USP16: variants seen among roughly 807,000 people sequenced by gnomAD.
USP16 encodes ubiquitin specific peptidase 16.
USP16 carries 77 observed loss-of-function variants against 95.9 expected under a neutral mutation model. The observed-to-expected ratio is 0.80, with a 90% confidence interval of 0.67 to 0.97. The LOEUF is 0.97. Ranked by LOEUF, USP16 falls within the 50% of genes least tolerant of loss-of-function variation. The pLI, the probability that USP16 is intolerant of heterozygous loss-of-function variation, is 0.00. For synonymous variants in USP16, 303 were observed against 318.2 expected (o/e 0.95, Z 0.51); for missense variants, 943 against 959.9 (o/e 0.98, Z 0.23).
chr21:29,038,374 G>C lies in USP16; in HGVS notation c.676G>C (p.Glu226Gln). ...QTPVLRELLK[E>Q]VKMSGTIVKI... The stretch of plus-strand genomic sequence containing the variant: ...ACCAGTGCTTAGAGAACTACTAAAA[G>C]AAGTGAAAATGTCTGGAACAATTGT... Residue 226 changes from glutamate (E) to glutamine (Q), a missense_variant, in exon 7 of 18, where the codon GAA becomes CAA. Coordinates refer to ENST00000399976, the MANE Select transcript of USP16 (RefSeq NM_006447.3). The C allele has an allele frequency of 1.2e-6, 2 of 1,612,802 alleles. No homozygotes were observed. Among genetic ancestry groups the C allele is most frequent in the Non-Finnish European group, 1.7e-6 (2 of 1,179,252 alleles).
intron 1 of USP16, among the ~76,000 whole-genome samples, chr21:29,026,963 C>T (rs371371933): frequency 6.6e-6 from 1 of 152,052 alleles, no homozygotes; most frequent in African/African-American, 2.4e-5. Context: ...GTCCAGGAAA[C>T]TGTTAAATGC....
chr21:29,037,218 C>A, intron 5 of USP16, 58 bp from the exon 6 acceptor site: 1 of 1,124,970 alleles, frequency 8.9e-7, no homozygotes, highest in Non-Finnish European at 1.2e-6. Flanking sequence ...CCCAAGTATA[C>A]TTCTGCATTC....
At position 29,039,635 on chromosome 21, in the gene USP16, C is replaced by T. The variant is rs1330968958; in HGVS notation, c.951+67C>T. The T allele has an allele frequency of 1.5e-5, 22 of 1,460,186 alleles. No homozygotes were observed. The South Asian group carries it at 2.9e-4, about 19-fold the overall frequency. 90.5% of individuals were successfully genotyped at this position (1,460,186 alleles called of 1,614,324 possible). The stretch of plus-strand genomic sequence containing the variant: ...ATAAGCTTTCTGTCTCATTTGATAT[C>T]TTACGAGTTAAAACAATGAAAGCTA... On this transcript the variant is annotated intron_variant, in intron 9 of 17. Transcript: ENST00000399976.
rs2085370294 is a variant in USP16 at position 29,048,811 on chromosome 21, C to G, written c.2062C>G (p.Leu688Val). The G allele has an allele frequency of 6.2e-7, 1 of 1,613,774 alleles. No individual in the cohort carries two copies. The highest frequency in any genetic ancestry group is 1.3e-5 in the African/African-American group (1 of 74,920). Residue 688 changes from leucine to valine, a missense_variant, in exon 15 of 18, where the codon CTT (leucine) becomes GTT (valine). Transcript: ENST00000399976. Reference sequence around the variant, plus strand: ...TGCCAAAAAGCAGATGCTAATTTCTCTTGCTCCTCCTGTTCTTACTCTTCA... The same window carrying G: ...TGCCAAAAAGCAGATGCTAATTTCTGTTGCTCCTCCTGTTCTTACTCTTCA... ...TNAKKQMLIS[L>V]APPVLTLHLK...
Position 29,050,092 on chromosome 21 carries a change from G to T in USP16, c.2107G>T (p.Ala703Ser). 1.2e-6 allele frequency: 2 copies of T among 1,610,588 alleles called. No individual in the cohort carries two copies. The highest frequency in any genetic ancestry group is 1.7e-6 in the Non-Finnish European group (2 of 1,178,796). ...TCAATCTGTTATGCTTCTCTTTTAG[G>T]CTGGTTTTAACCTACGCAAAGTTAA... The part of the protein sequence containing the change: ...LTLHLKRFQQ[A>S]GFNLRKVNKH... Residue 703 changes from alanine (A) to serine (S), a missense_variant and splice_region_variant, in exon 16 of 18, where the codon GCT (alanine) becomes TCT (serine). Physicochemically the swap from Ala to Ser is moderately conservative, Grantham distance 99. Transcript: ENST00000399976.
intron 2 of USP16, 59 bp downstream of exon 2, chr21:29,028,033 T>G (rs534458599): frequency 9.0e-6 from 12 of 1,338,496 alleles, no homozygotes; most frequent in Non-Finnish European, 1.3e-5. Flanking sequence ...TGTTTTAAAA[T>G]GTAAAAATGG....
chr21:29,024,828 G>A lies in USP16; in HGVS notation c.-42+51G>A, dbSNP rs1041703035. ...AGTCGTCGCTCGCCTGGCTTTCTGC[G>A]CTGGGAGAGCTCCTGTTTTCCGCCC... On this transcript the variant is annotated intron_variant, in intron 1 of 17. Coordinates refer to ENST00000399976, the MANE Select transcript of USP16 (RefSeq NM_006447.3). 5.6e-6 allele frequency: 7 copies of A among 1,243,372 alleles called. No individual in the cohort carries two copies. In the African/African-American group the frequency reaches 1.1e-4, roughly 19 times the overall value. The allele number at this position is 1,243,372 out of a possible 1,614,324, so 77.0% of individuals were successfully genotyped here. A position where few individuals can be genotyped will look rare whatever the true frequency, so the allele number is the denominator to read the frequency against.
At chr21:29,029,404 C>T (rs757634317) in intron 2 of USP16, among the ~76,000 whole-genome samples, 4 of 152,094 alleles carry the variant, frequency 2.6e-5, no homozygotes, top group Admixed American at 1.3e-4. Flanking sequence ...CAGAGCAAGA[C>T]TCCGTCTCAA....
In USP16 at chr21:29,036,049, T is replaced by G. The variant is rs1399427601; in HGVS notation, c.345-222T>G. Among the ~76,000 whole-genome samples, 8 of 152,254 alleles carry G rather than the reference T, an allele frequency of 5.3e-5. No individual in the cohort carries two copies. The South Asian group carries it at 6.2e-4, about 12-fold the overall frequency. On this transcript the variant is annotated intron_variant, in intron 4 of 17. Transcript: ENST00000399976. ...CCAGTAAAGTAAAACGTTTGGAGTA[T>G]TTCATCATACTACTTATATGCAGCC...
rs575988021 is a variant in USP16, at chr21:29,040,940, G to A, written c.1030+253G>A. On this transcript the variant is annotated intron_variant, in intron 10 of 17. Transcript: ENST00000399976. Reference sequence around the variant, plus strand: ...TTTCAAAAGCTTAAAATTATAATTAGCAGTAATACATGAATTATATTTGTT... The same window carrying A: ...TTTCAAAAGCTTAAAATTATAATTAACAGTAATACATGAATTATATTTGTT... Among the ~76,000 whole-genome samples the A allele has an allele frequency of 5.3e-5, 8 of 152,236 alleles. No homozygotes were observed. In the South Asian group the frequency reaches 1.2e-3, roughly 24 times the overall value.
intron 3 of USP16, among the ~76,000 whole-genome samples, chr21:29,034,625 G>A (rs914088415): frequency 1.3e-5 from 2 of 152,144 alleles, no homozygotes; most frequent in African/African-American, 4.8e-5. Flanking sequence ...CGAGTGCATG[G>A]TTTTCTAAAT....
rs780610339 is a variant in USP16 at position 29,053,891 on chromosome 21, C to T, written c.2283C>T (p.Ala761=). 2.8e-5 allele frequency: 46 copies of T among 1,614,086 alleles called. No homozygotes were observed. Among genetic ancestry groups the T allele is most frequent in the Non-Finnish European group, 1.7e-6 (2 of 1,180,044 alleles). Residue 761 remains alanine, a synonymous_variant, in exon 17 of 18, where the codon GCC becomes GCT. Transcript: ENST00000399976. ...SGTMRSGHYT[A]YAKARTANSH... is the part of the protein sequence containing the mutation. ...CTATGAGGTCGGGGCATTACACTGCCTATGCCAAGGCAAGAACCGCAAATA... is the reference window on the plus strand; with the variant it reads ...CTATGAGGTCGGGGCATTACACTGCTTATGCCAAGGCAAGAACCGCAAATA...
Position 29,030,633 on chromosome 21 carries a change from G to A in USP16, c.100G>A (p.Gly34Ser), listed in dbSNP as rs1171253958. The A allele has an allele frequency of 6.2e-7, 1 of 1,613,224 alleles. No individual in the cohort carries two copies. Among genetic ancestry groups the A allele is most frequent in the Admixed American group, 1.7e-5 (1 of 59,874 alleles). ...CRHIRKGLEQ[G>S]NLKKALVNVE... ...ACACATTAGAAAAGGATTGGAACAA[G>A]GTAATTTGAAAAAGGCTTTAGTGAA... Residue 34 changes from glycine to serine, a missense_variant, in exon 3 of 18, where the codon GGT becomes AGT. Transcript: ENST00000399976.
intron 2 of USP16, among the ~76,000 whole-genome samples, chr21:29,028,244 C>T (rs1052177959): frequency 4.0e-5 from 6 of 150,738 alleles, no homozygotes; most frequent in Non-Finnish European, 8.9e-5. Context: ...GTGCCTCAGC[C>T]TCTGAGTAGC....
At chr21:29,043,330 A>G in intron 12 of USP16, 93 bp from the exon 13 acceptor site, 1 of 940,608 alleles carries the variant, frequency 1.1e-6, no homozygotes, top group Non-Finnish European at 1.4e-6. Flanking sequence ...AATACATAAT[A>G]GAAGTAGAAA....
chr21:29,038,311 TTTTTTTTTC>T lies in USP16; in HGVS notation c.637-23_637-15del, dbSNP rs758108095. On this transcript the variant is annotated splice_polypyrimidine_tract_variant and intron_variant, in intron 6 of 17. Transcript: ENST00000399976. ...GATTTGCCTTTAAATAATTTTTCTCTTTTTTTTTCACCCTACATTCTAGAACTTGTCACA... is the reference window on the plus strand; with the variant it reads ...GATTTGCCTTTAAATAATTTTTCTCTACCCTACATTCTAGAACTTGTCACA... 4 of 1,459,682 alleles carry T rather than the reference TTTTTTTTTC, an allele frequency of 2.7e-6. No individual in the cohort carries two copies. In the African/African-American group the frequency reaches 5.7e-5, roughly 21 times the overall value. The allele number at this position is 1,459,682 out of a possible 1,614,324, so 90.4% of individuals were successfully genotyped here.
intron 16 of USP16, 110 bp from the exon 17 acceptor site, chr21:29,053,692 A>C (rs1176801817): frequency 8.3e-6 from 9 of 1,079,532 alleles, no homozygotes; most frequent in Non-Finnish European, 1.2e-5. Context: ...TGATTTCTGC[A>C]CTCTCAAAGT....
intron 3 of USP16, 87 bp from the exon 4 acceptor site, chr21:29,034,750 G>T: frequency 8.5e-7 from 1 of 1,180,914 alleles, no homozygotes. Context: ...AATTTCATGA[G>T]CCACTTCCTT....
chr21:29,034,888 C>T lies in USP16; in HGVS notation c.292C>T (p.Pro98Ser), dbSNP rs2085131641. 5 of 1,613,972 alleles carry T rather than the reference C, an allele frequency of 3.1e-6. No homozygotes were observed. The highest frequency in any genetic ancestry group is 1.3e-5 in the African/African-American group (1 of 74,900). ...EQHALKHYLT[P>S]RSEPHCLVLS... ...GCATGCCTTGAAGCACTATCTGACG[C>T]CAAGATCTGAACCTCACTGTCTGGT... The change falls in exon 4 of 18, where the codon CCA (proline) becomes TCA (serine). Residue 98 changes from proline to serine, a missense_variant. Pro to Ser is a moderately conservative substitution (Grantham distance 74). Coordinates refer to ENST00000399976, the MANE Select transcript of USP16 (RefSeq NM_006447.3).
Sources: gnomAD v4.1 joint callset for allele counts (sites outside exome capture counted in the v4.1 genomes callset) on GRCh38, gnomAD v4.1.1 for gene constraint, MANE v1.5 for transcripts, NCBI Gene and HGNC (gene_info 2026-07-23, HGNC 2026-07-21) for gene names.